Variants in TRMT44 observed in about 807,000 individuals in gnomAD.
TRMT44 encodes the protein tRNA methyltransferase 44 homolog.
TRMT44 carries 78 observed loss-of-function variants against 77.3 expected under a neutral mutation model. The observed-to-expected ratio is 1.01, with a 90% CI of 0.84 to 1.22. The LOEUF is 1.22. TRMT44 is among the 50% of genes most tolerant of loss of function. The pLI, the probability that TRMT44 is intolerant of heterozygous loss-of-function variation, is 0.00. For missense variants in TRMT44, 1,090 were observed against 964.4 expected, an observed-to-expected ratio of 1.13 and a Z score of -1.73; for synonymous variants, 391 against 383.3, an observed-to-expected ratio of 1.02 and a Z score of -0.23.
chr4:8,498,451 C>T (rs1348239422), downstream of TRMT44, among the ~76,000 whole-genome samples: 1 of 152,176 alleles, frequency 6.6e-6, no homozygotes, highest in African/African-American at 2.4e-5. The surrounding 1 kb of genome is among the most constrained non-coding windows in gnomAD (Gnocchi z 4.3). Context: ...GGCATCTGCT[C>T]AGCTTCTGGG....
At chr4:8,497,412 G>A (rs1290137248), downstream of TRMT44, among the ~76,000 whole-genome samples, 8 of 152,156 alleles carry the variant, frequency 5.3e-5, no homozygotes, top group East Asian at 1.9e-4. Flanking sequence ...TTGGGAGGCC[G>A]AGGCGGGTGG....
intron 2 of TRMT44, among the ~76,000 whole-genome samples, chr4:8,492,075 T>C (rs1160627643): frequency 6.6e-6 from 1 of 152,234 alleles, no homozygotes; most frequent in African/African-American, 2.4e-5. Flanking sequence ...AAAAACCCCT[T>C]GGGCAGATAC....
At position 8,475,985 on chromosome 4, in the gene TRMT44, GGAA is replaced by G. The variant is rs759526283; in HGVS notation, c.2264_2266del (p.Lys755del). The G allele has an allele frequency of 1.8e-5, 29 of 1,613,934 alleles. No homozygotes were observed. The highest frequency in any genetic ancestry group is 1.6e-4 in the Middle Eastern group (1 of 6,062). ...CTGCGGCCACCCCGGACCACCCCGA[GGAA>G]GAAGATTTCATGAGCTGCATCCTTG... On this transcript the variant is annotated inframe_deletion, in exon 11 of 11. Transcript: ENST00000389737.
intron 10 of TRMT44, among the ~76,000 whole-genome samples, chr4:8,475,290 C>A (rs1020838580): frequency 9.2e-5 from 14 of 152,214 alleles, no homozygotes; most frequent in African/African-American, 3.1e-4. Flanking sequence ...TCGGCTCTCA[C>A]ACCGTGGTCC....
chr4:8,452,134 C>G lies in TRMT44; in HGVS notation c.1023+106C>G, dbSNP rs978368318. ...TTCCAAATCCATAACTGCCGGTGCT[C>G]ACAATTCTGCTGGCCAAGGTTGGTT... On this transcript the variant is annotated intron_variant, in intron 4 of 10. Transcript: ENST00000389737. The surrounding 1 kb of genome is among the most constrained non-coding windows in gnomAD (Gnocchi z 5.7). 2.9e-6 allele frequency: 3 copies of G among 1,018,468 alleles called. No homozygotes were observed. In the African/African-American group the frequency reaches 4.8e-5, roughly 16 times the overall value. The allele number at this position is 1,018,468 out of a possible 1,614,324, so 63.1% of individuals were successfully genotyped here.
chr4:8,460,972 C>G (rs144171948), intron 6 of TRMT44, among the ~76,000 whole-genome samples: 30 of 152,292 alleles, frequency 2.0e-4, no homozygotes, highest in African/African-American at 3.1e-4. Flanking sequence ...CCTCAGCCTC[C>G]GAGTAGCTGG....
At chr4:8,506,656 C>T in the TRMT44 span, among the ~76,000 whole-genome samples, 10 of 152,224 alleles carry the variant, frequency 6.6e-5, no homozygotes, top group South Asian at 2.1e-4. Context: ...CCAAGTGCTA[C>T]GTGTGCACTT....
intron 7 of TRMT44, among the ~76,000 whole-genome samples, chr4:8,465,130 G>A (rs560139512): frequency 6.6e-6 from 1 of 152,040 alleles, no homozygotes; most frequent in Non-Finnish European, 1.5e-5. Context: ...TCACTGCTTG[G>A]GTCATGGGGT....
At chr4:8,514,060 G>T in the TRMT44 span, among the ~76,000 whole-genome samples, 1 of 152,166 alleles carries the variant, frequency 6.6e-6, no homozygotes, top group African/African-American at 2.4e-5. Context: ...GTGCACCAAA[G>T]CACAGGTCCA....
chr4:8,460,215 G>C (rs111637638), intron 6 of TRMT44, among the ~76,000 whole-genome samples: 39 of 152,330 alleles, frequency 2.6e-4, no homozygotes, highest in African/African-American at 9.1e-4. Context: ...CTCTGTGGGC[G>C]TGGCCTCACT....
the TRMT44 span, among the ~76,000 whole-genome samples, chr4:8,502,511 C>T: frequency 2.6e-5 from 4 of 152,338 alleles, no homozygotes; most frequent in East Asian, 1.9e-4. Context: ...GCTGCAATCA[C>T]GGTACCAGCC....
At chr4:8,455,905 A>G (rs2109119613) in intron 6 of TRMT44, among the ~76,000 whole-genome samples, 1 of 152,346 alleles carries the variant, frequency 6.6e-6, no homozygotes, top group Admixed American at 6.5e-5. Flanking sequence ...AAACTGACAG[A>G]TGAAATGCAT....
At chr4:8,494,993 C>A (rs75326409), downstream of TRMT44, among the ~76,000 whole-genome samples, 3 of 152,182 alleles carry the variant, frequency 2.0e-5, no homozygotes, top group Non-Finnish European at 4.4e-5. Context: ...CACGGGTGAA[C>A]GGTGTGCTTT....
At chr4:8,496,149 T>C (rs377588120), downstream of TRMT44, among the ~76,000 whole-genome samples, 16 of 152,304 alleles carry the variant, frequency 1.1e-4, no homozygotes, top group East Asian at 2.9e-3. Context: ...AGTGAAGCAA[T>C]GGGAAACCTC....
the TRMT44 span, chr4:8,509,186 G>C: frequency 3.8e-4 from 53 of 139,680 alleles, no homozygotes; most frequent in African/African-American, 1.4e-3. Flanking sequence ...ATCCTTTGCA[G>C]CCCTGAGGAC....
rs530907842 is a variant in TRMT44 at position 8,472,046 on chromosome 4, A to T, written c.2044+846A>T. Among the ~76,000 whole-genome samples, 4 of 150,956 alleles carry T rather than the reference A, an allele frequency of 2.6e-5. No individual in the cohort carries two copies. In the South Asian group the frequency reaches 6.2e-4, roughly 24 times the overall value. ...TTTTTCCTCTTTCTGTAAGTATTTT[A>T]AAGCAAATTCTAGCTAGCATGCTAT... is the stretch of plus-strand genomic sequence containing the variant. On this transcript the variant is annotated intron_variant, in intron 10 of 10. Coordinates refer to ENST00000389737, the MANE Select transcript of TRMT44 (RefSeq NM_152544.3).
chr4:8,504,376 C>T, the TRMT44 span, among the ~76,000 whole-genome samples: 2 of 152,168 alleles, frequency 1.3e-5, no homozygotes, highest in East Asian at 1.9e-4. The surrounding 1 kb of genome is among the most constrained non-coding windows in gnomAD (Gnocchi z 5.3). Context: ...ACTGCCTTCC[C>T]TCTTCCTCCC....
intron 1 of TRMT44, among the ~76,000 whole-genome samples, chr4:8,443,887 T>G (rs1331899028): frequency 1.3e-5 from 2 of 151,038 alleles, no homozygotes; most frequent in African/African-American, 2.4e-5. Flanking sequence ...GTGAACCCGG[T>G]GAGTGGAGGT....
intron 1 of TRMT44, among the ~76,000 whole-genome samples, chr4:8,441,728 G>T (rs923436628): frequency 6.6e-6 from 1 of 152,184 alleles, no homozygotes; most frequent in Non-Finnish European, 1.5e-5. Flanking sequence ...AGGTGTAAAA[G>T]TGTTGGGGAC....
Sources: allele counts gnomAD v4.1 joint callset (sites outside exome capture counted in the v4.1 genomes callset), GRCh38; gene constraint gnomAD v4.1.1; non-coding constraint Gnocchi (gnomAD v3.1); transcripts MANE v1.5; gene names NCBI Gene and HGNC (gene_info 2026-07-23, HGNC 2026-07-21).